DRC11: variants seen among roughly 807,000 people sequenced by gnomAD.
DRC11 encodes the protein dynein regulatory complex subunit 11, also known as IQ and AAA domain-containing protein 1.
chr2:236,414,688 C>T, the DRC11 span, among the ~76,000 whole-genome samples: 1 of 152,116 alleles, frequency 6.6e-6, no homozygotes, highest in African/African-American at 2.4e-5. Flanking sequence ...CCAGAATGTT[C>T]TGTTTTCTTC....
At chr2:236,491,256 A>G in the DRC11 span, among the ~76,000 whole-genome samples, 656 of 82,232 alleles carry the variant, frequency 8.0e-3, 23 homozygotes, top group East Asian at 0.031. Context: ...GTATATATAT[A>G]TATATATATA....
the DRC11 span, among the ~76,000 whole-genome samples, chr2:236,472,707 C>T: frequency 2.6e-5 from 4 of 152,170 alleles, no homozygotes; most frequent in African/African-American, 7.2e-5. The surrounding 1 kb of genome is among the most constrained non-coding windows in gnomAD (Gnocchi z 4.6). Flanking sequence ...GTCATAAGGG[C>T]CTCCTAACAG....
chr2:236,402,162 A>G, the DRC11 span, among the ~76,000 whole-genome samples: 28 of 152,104 alleles, frequency 1.8e-4, no homozygotes, highest in African/African-American at 5.3e-4. The surrounding 1 kb of genome is among the most constrained non-coding windows in gnomAD (Gnocchi z 6.0). Context: ...GCTGGGTTAC[A>G]CCCTGAGCAA....
At chr2:236,419,595 G>A in the DRC11 span, among the ~76,000 whole-genome samples, 2 of 152,126 alleles carry the variant, frequency 1.3e-5, no homozygotes, top group Admixed American at 6.6e-5. The surrounding 1 kb of genome is among the most constrained non-coding windows in gnomAD (Gnocchi z 4.8). Flanking sequence ...CTTCCTCAAC[G>A]TCTCAGCAAC....
the DRC11 span, chr2:236,392,127 T>C: frequency 1.3e-6 from 2 of 1,574,346 alleles, no homozygotes; most frequent in Non-Finnish European, 1.7e-6. This position sits in a 1 kb window ranked among gnomAD's most constrained non-coding sequence, Gnocchi z 5.1. Flanking sequence ...TTGTGTTTTG[T>C]TTGTGAAGTT....
chr2:236,453,764 T>C, the DRC11 span, among the ~76,000 whole-genome samples: 1 of 152,000 alleles, frequency 6.6e-6, no homozygotes, highest in Admixed American at 6.6e-5. This position sits in a 1 kb window ranked among gnomAD's most constrained non-coding sequence, Gnocchi z 4.9. Flanking sequence ...CAAAGCCTCC[T>C]TAGTAGCTGG....
chr2:236,365,739 TCCAGGGAGGCCTCTTCAACGGGGGCCTGG>T, the DRC11 span, among the ~76,000 whole-genome samples: 3 of 151,866 alleles, frequency 2.0e-5, no homozygotes, highest in African/African-American at 7.3e-5. This position sits in a 1 kb window ranked among gnomAD's most constrained non-coding sequence, Gnocchi z 7.4. Context: ...AAAAGGTTGG[TCCAGGGAGGCCTCTTCAACGGGGGCCTGG>T]CTGACCTCAG....
the DRC11 span, among the ~76,000 whole-genome samples, chr2:236,410,124 A>C: frequency 6.6e-6 from 1 of 151,674 alleles, no homozygotes; most frequent in Admixed American, 6.6e-5. Flanking sequence ...CTGGCCTCAT[A>C]AAATGAGTTA....
the DRC11 span, among the ~76,000 whole-genome samples, chr2:236,364,179 C>T: frequency 5.2e-4 from 78 of 150,742 alleles, no homozygotes; most frequent in African/African-American, 1.8e-3. Flanking sequence ...GGTCAGGGCT[C>T]GTGGTAGAGC....
the DRC11 span, among the ~76,000 whole-genome samples, chr2:236,420,979 C>G: frequency 6.6e-6 from 1 of 152,180 alleles, no homozygotes; most frequent in Non-Finnish European, 1.5e-5. The surrounding 1 kb of genome is among the most constrained non-coding windows in gnomAD (Gnocchi z 4.8). Flanking sequence ...ATAAATTTCC[C>G]TCTACACATT....
the DRC11 span, among the ~76,000 whole-genome samples, chr2:236,399,128 T>C: frequency 2.6e-5 from 4 of 152,096 alleles, no homozygotes; most frequent in Non-Finnish European, 4.4e-5. The surrounding 1 kb of genome is among the most constrained non-coding windows in gnomAD (Gnocchi z 7.0). Flanking sequence ...TAGCTGGGAT[T>C]ACAGGCTCCC....
chr2:236,381,495 G>A, the DRC11 span, among the ~76,000 whole-genome samples: 1 of 151,450 alleles, frequency 6.6e-6, no homozygotes, highest in African/African-American at 2.4e-5. This position sits in a 1 kb window ranked among gnomAD's most constrained non-coding sequence, Gnocchi z 5.8. Context: ...CCAGAACTAT[G>A]AGCTATTAAT....
At chr2:236,451,806 C>T in the DRC11 span, among the ~76,000 whole-genome samples, 1 of 152,240 alleles carries the variant, frequency 6.6e-6, no homozygotes, top group East Asian at 1.9e-4. Context: ...AGGGCAGCTG[C>T]CATTGATTAG....
chr2:236,497,707 T>C, the DRC11 span, among the ~76,000 whole-genome samples: 8 of 152,234 alleles, frequency 5.3e-5, no homozygotes, highest in South Asian at 2.1e-4. The surrounding 1 kb of genome is among the most constrained non-coding windows in gnomAD (Gnocchi z 5.1). Flanking sequence ...ATAAATAGTT[T>C]AAAAAGCATT....
the DRC11 span, among the ~76,000 whole-genome samples, chr2:236,398,642 G>C: frequency 1.3e-5 from 2 of 152,164 alleles, no homozygotes; most frequent in African/African-American, 4.8e-5. This position sits in a 1 kb window ranked among gnomAD's most constrained non-coding sequence, Gnocchi z 6.2. Flanking sequence ...CAGGAGTTCG[G>C]TAATAGTTCT....
chr2:236,459,026 CAG>C, the DRC11 span, among the ~76,000 whole-genome samples: 345 of 152,188 alleles, frequency 2.3e-3, 1 homozygote, highest in African/African-American at 7.9e-3. Flanking sequence ...GCCTGGGCGA[CAG>C]AGTAAGACTG....
chr2:236,369,633 T>C, the DRC11 span, among the ~76,000 whole-genome samples: 1 of 152,168 alleles, frequency 6.6e-6, no homozygotes, highest in Admixed American at 6.5e-5. The surrounding 1 kb of genome is among the most constrained non-coding windows in gnomAD (Gnocchi z 4.5). Flanking sequence ...ACATAACAGA[T>C]CTTGTTTAAA....
At chr2:236,352,134 C>A in the DRC11 span, among the ~76,000 whole-genome samples, 1 of 151,884 alleles carries the variant, frequency 6.6e-6, no homozygotes, top group Admixed American at 6.6e-5. This position sits in a 1 kb window ranked among gnomAD's most constrained non-coding sequence, Gnocchi z 7.0. Context: ...GGGCAGCAGC[C>A]GTGGATAGAA....
chr2:236,384,289 A>G, the DRC11 span, among the ~76,000 whole-genome samples: 1 of 152,036 alleles, frequency 6.6e-6, no homozygotes, highest in Non-Finnish European at 1.5e-5. Flanking sequence ...CAACAGTGTA[A>G]AAGTGTTCCT....
Sources: gnomAD v4.1 joint callset for allele counts (sites outside exome capture counted in the v4.1 genomes callset) on GRCh38, gnomAD v4.1.1 for gene constraint, Gnocchi (gnomAD v3.1) non-coding constraint, MANE v1.5 for transcripts, NCBI Gene and HGNC (gene_info 2026-07-23, HGNC 2026-07-21) for gene names.